The following RFX3 variants were observed in gnomAD, a reference collection of about 807,000 sequenced individuals.
RFX3 encodes the protein transcription factor RFX3.
A neutral mutation model predicts 98.6 loss-of-function variants in RFX3; 14 were observed. The ratio of observed to expected loss-of-function variants is 0.14; its 90% CI spans 0.09 to 0.22. The LOEUF is 0.22. Ranked by LOEUF, RFX3 falls within the 10% of genes least tolerant of loss-of-function variation. RFX3 has a pLI of 1.00. For missense variants in RFX3, 639 were observed against 926.9 expected (o/e 0.69, Z 4.03); for synonymous variants, 383 against 328.4 (o/e 1.17, Z -1.80).
At chr9:3,442,620 A>G (rs1845702575) in intron 1 of RFX3, among the ~76,000 whole-genome samples, 1 of 152,238 alleles carries the variant, frequency 6.6e-6, no homozygotes, top group South Asian at 2.1e-4. Flanking sequence ...CCTAGTTGTA[A>G]CAAATATATC....
chr9:3,449,592 C>T (rs1349977185), intron 1 of RFX3, among the ~76,000 whole-genome samples: 2 of 152,198 alleles, frequency 1.3e-5, no homozygotes, highest in Non-Finnish European at 2.9e-5. Context: ...AGGCACAGTG[C>T]CCCATGCCTT....
intron 2 of RFX3, among the ~76,000 whole-genome samples, chr9:3,372,901 T>C (rs979605818): frequency 2.6e-5 from 4 of 152,244 alleles, no homozygotes; most frequent in Non-Finnish European, 5.9e-5. Context: ...TCGTATCTTA[T>C]GTACTTAACA....
chr9:3,410,301 CTT>C, intron 1 of RFX3, among the ~76,000 whole-genome samples: 1 of 150,894 alleles, frequency 6.6e-6, no homozygotes, highest in African/African-American at 2.4e-5. Context: ...TACCAAAATA[CTT>C]TACATAGAGT....
At chr9:3,308,538 T>A (rs1016620676) in intron 4 of RFX3, among the ~76,000 whole-genome samples, 1 of 152,142 alleles carries the variant, frequency 6.6e-6, no homozygotes, top group Non-Finnish European at 1.5e-5. Context: ...AAAGTTCACA[T>A]AATAAACTTC....
intron 4 of RFX3, among the ~76,000 whole-genome samples, chr9:3,316,228 A>C (rs954637141): frequency 2.6e-5 from 4 of 152,210 alleles, no homozygotes; most frequent in Non-Finnish European, 5.9e-5. Flanking sequence ...AACATATGCA[A>C]ATCAATAAAC....
intron 5 of RFX3, among the ~76,000 whole-genome samples, chr9:3,297,590 G>A (rs1219713463): frequency 6.6e-6 from 1 of 151,892 alleles, no homozygotes; most frequent in African/African-American, 2.4e-5. Flanking sequence ...TACCCATCAG[G>A]ATTCATTTTA....
At chr9:3,233,149 T>C (rs1818702738) in intron 15 of RFX3, among the ~76,000 whole-genome samples, 1 of 152,206 alleles carries the variant, frequency 6.6e-6, no homozygotes. Context: ...GGGAAATGCA[T>C]GCTCCAGGCA....
intron 1 of RFX3, among the ~76,000 whole-genome samples, chr9:3,436,860 A>G (rs1334259876): frequency 6.6e-6 from 1 of 152,032 alleles, no homozygotes; most frequent in Non-Finnish European, 1.5e-5. Flanking sequence ...CTGAGCCAAT[A>G]AACTCCCTAA....
intron 7 of RFX3, among the ~76,000 whole-genome samples, chr9:3,286,856 TA>T (rs2131566696): frequency 6.6e-6 from 1 of 152,004 alleles, no homozygotes; most frequent in South Asian, 2.1e-4. Context: ...ACTTCACCGC[TA>T]GGTGAATTTT....
At chr9:3,257,975 A>G (rs1173895109) in intron 13 of RFX3, among the ~76,000 whole-genome samples, 1 of 152,196 alleles carries the variant, frequency 6.6e-6, no homozygotes, top group Admixed American at 6.6e-5. Context: ...AGTGATTGCC[A>G]TAAGTACTGT....
chr9:3,254,321 C>T (rs1418387395), intron 14 of RFX3, among the ~76,000 whole-genome samples: 1 of 150,444 alleles, frequency 6.6e-6, no homozygotes, highest in Non-Finnish European at 1.5e-5. Context: ...AAGTCTGACA[C>T]TAATAACATA....
chr9:3,333,280 T>G (rs1250057247), intron 3 of RFX3, among the ~76,000 whole-genome samples: 1 of 152,180 alleles, frequency 6.6e-6, no homozygotes, highest in African/African-American at 2.4e-5. Flanking sequence ...CATTATAAAT[T>G]ATACTTGTAA....
chr9:3,395,021 C>A (rs1319122203), intron 2 of RFX3: 2 of 216,970 alleles, frequency 9.2e-6, no homozygotes, highest in Non-Finnish European at 7.8e-6. Context: ...TGCAAAGGCA[C>A]TTTCTAAAAT....
intron 4 of RFX3, among the ~76,000 whole-genome samples, chr9:3,318,161 G>A (rs1482053372): frequency 6.6e-6 from 1 of 152,202 alleles, no homozygotes; most frequent in Non-Finnish European, 1.5e-5. Context: ...AGAAAATGTG[G>A]CACATATACA....
intron 1 of RFX3, among the ~76,000 whole-genome samples, chr9:3,428,017 G>C (rs1388672662): frequency 1.3e-5 from 2 of 152,058 alleles, no homozygotes; most frequent in Admixed American, 6.6e-5. Context: ...TCCCTAGGCA[G>C]AAATGCAGAG....
intron 3 of RFX3, among the ~76,000 whole-genome samples, chr9:3,343,013 A>G (rs2131097307): frequency 6.6e-6 from 1 of 152,334 alleles, no homozygotes; most frequent in South Asian, 2.1e-4. Flanking sequence ...TGAAATGTAC[A>G]CTCACTCACT....
chr9:3,232,050 GC>G, intron 15 of RFX3, among the ~76,000 whole-genome samples: 3 of 151,390 alleles, frequency 2.0e-5, no homozygotes, highest in Non-Finnish European at 4.4e-5. Context: ...AAGCAAGCAA[GC>G]AAGCAAGCAA....
At position 3,220,255 on chromosome 9, in the gene RFX3, C is replaced by G. The variant is rs562746987; in HGVS notation, c.*4787G>C. ...AGAGTTCAGATTCTCTTAATCCACT[C>G]GAACTCCTTTCTTCCTAAGGCTTTA... On this transcript the variant is annotated 3_prime_UTR_variant, in exon 17 of 17. Transcript: ENST00000617270. The G allele has an allele frequency of 6.6e-6, 1 of 152,118 alleles. No individual in the cohort carries two copies. The highest frequency in any genetic ancestry group is 2.1e-4 in the South Asian group (1 of 4,824). The allele number at this position is 152,118 out of a possible 1,614,324, so 9.4% of individuals were successfully genotyped here.
At chr9:3,418,163 G>C (rs1843134472) in intron 1 of RFX3, among the ~76,000 whole-genome samples, 1 of 152,090 alleles carries the variant, frequency 6.6e-6, no homozygotes, top group Non-Finnish European at 1.5e-5. Context: ...ATGATATTGG[G>C]CAAGTTACTT....
Sources: allele counts gnomAD v4.1 joint callset (sites outside exome capture counted in the v4.1 genomes callset), GRCh38; gene constraint gnomAD v4.1.1; transcripts MANE v1.5; gene names NCBI Gene and HGNC (gene_info 2026-07-23, HGNC 2026-07-21).